Variants in TUBGCP3 observed in about 807,000 individuals in gnomAD.
TUBGCP3 encodes the protein tubulin gamma complex component 3, also known as gamma-tubulin complex component 3.
Under a neutral mutation model 123.1 loss-of-function variants are expected in TUBGCP3, and 50 were observed. That is an observed-to-expected ratio of 0.41 (90% CI 0.32 to 0.51). The LOEUF is 0.51. Ranked by LOEUF, TUBGCP3 falls within the 20% of genes least tolerant of loss-of-function variation. TUBGCP3 has a pLI of 0.36. For synonymous variants in TUBGCP3, 405 were observed against 413.9 expected (o/e 0.98, Z 0.26); for missense variants, 882 against 1,127.0 (o/e 0.78, Z 3.11).
intron 19 of TUBGCP3, among the ~76,000 whole-genome samples, chr13:112,503,050 G>A (rs1235632600): frequency 1.3e-5 from 2 of 152,074 alleles, no homozygotes; most frequent in African/African-American, 4.8e-5. Context: ...TGAAGTAAAG[G>A]CCCTGAAGTG....
At position 112,497,393 on chromosome 13, in the gene TUBGCP3, C is replaced by T. The variant is rs573390914; in HGVS notation, c.2448+1652G>A. On this transcript the variant is annotated intron_variant, in intron 20 of 21. Coordinates refer to ENST00000261965, the MANE Select transcript of TUBGCP3 (RefSeq NM_006322.6). ...CGCTTTGAATGATGAGAGCCCTTAG[C>T]GATACAAATGTTTCCAAAAAATACC... Among the ~76,000 whole-genome samples the T allele has an allele frequency of 2.5e-3, 381 of 152,286 alleles. 2 individuals carry two copies. Among genetic ancestry groups the T allele is most frequent in the African/African-American group, 8.4e-3 (349 of 41,564 alleles).
chr13:112,553,927 A>C, intron 8 of TUBGCP3, 130 bp downstream of exon 8: 1 of 1,423,398 alleles, frequency 7.0e-7, no homozygotes, highest in Non-Finnish European at 9.5e-7. Flanking sequence ...GTGGACCCTG[A>C]AAGTTGACTC....
intron 1 of TUBGCP3, among the ~76,000 whole-genome samples, chr13:112,570,267 C>G (rs1194835164): frequency 1.3e-5 from 2 of 152,126 alleles, no homozygotes; most frequent in African/African-American, 4.8e-5. Context: ...AACTGATCAG[C>G]CCAAGAGAAA....
chr13:112,552,067 C>T (rs1156391667), intron 8 of TUBGCP3, among the ~76,000 whole-genome samples: 1 of 152,202 alleles, frequency 6.6e-6, no homozygotes, highest in Non-Finnish European at 1.5e-5. Flanking sequence ...CATGCCTGCT[C>T]GCCCTCCACT....
At chr13:112,498,024 A>G (rs1431073479) in intron 20 of TUBGCP3, among the ~76,000 whole-genome samples, 1 of 152,222 alleles carries the variant, frequency 6.6e-6, no homozygotes, top group Non-Finnish European at 1.5e-5. Flanking sequence ...TCATGTACAT[A>G]TACATGTACA....
intron 16 of TUBGCP3, 89 bp from the exon 17 acceptor site, chr13:112,516,664 T>G: frequency 7.1e-7 from 1 of 1,414,434 alleles, no homozygotes; most frequent in East Asian, 2.5e-5. Flanking sequence ...AAAGGTACAT[T>G]TTAGCAAACT....
At chr13:112,529,513 T>C (rs1252380653) in intron 11 of TUBGCP3, among the ~76,000 whole-genome samples, 6 of 152,216 alleles carry the variant, frequency 3.9e-5, no homozygotes, top group South Asian at 4.1e-4. Context: ...ATCACAGTTA[T>C]GCTCTTCCTG....
the TUBGCP3 span, among the ~76,000 whole-genome samples, chr13:112,601,695 C>T: frequency 1.3e-5 from 2 of 152,294 alleles, no homozygotes; most frequent in African/African-American, 2.4e-5. Flanking sequence ...AGGTGAGCTC[C>T]GTGTCCCCCC....
intron 11 of TUBGCP3, among the ~76,000 whole-genome samples, chr13:112,543,508 C>G (rs1017022963): frequency 6.6e-6 from 1 of 152,032 alleles, no homozygotes; most frequent in Non-Finnish European, 1.5e-5. Flanking sequence ...TATAAATGTG[C>G]AAAAACAGAG....
At chr13:112,585,534 G>C (rs1882546301) in intron 1 of TUBGCP3, among the ~76,000 whole-genome samples, 2 of 151,934 alleles carry the variant, frequency 1.3e-5, no homozygotes, top group Admixed American at 6.6e-5. Flanking sequence ...CCAAGCGGCA[G>C]GGGGGTGGGG....
At chr13:112,499,785 C>A (rs1348844604) in intron 19 of TUBGCP3, among the ~76,000 whole-genome samples, 1 of 152,180 alleles carries the variant, frequency 6.6e-6, no homozygotes, top group Non-Finnish European at 1.5e-5. Context: ...CAGGTATCTT[C>A]CGTTCATTGC....
chr13:112,512,548 A>G (rs1881743258), intron 17 of TUBGCP3, among the ~76,000 whole-genome samples: 1 of 152,172 alleles, frequency 6.6e-6, no homozygotes, highest in Non-Finnish European at 1.5e-5. Flanking sequence ...AGCCTGGCCA[A>G]CATGGTGAAA....
At chr13:112,552,878 C>T (rs2139203469) in intron 8 of TUBGCP3, among the ~76,000 whole-genome samples, 1 of 150,624 alleles carries the variant, frequency 6.6e-6, no homozygotes, top group East Asian at 2.0e-4. Flanking sequence ...CAGCCACGCT[C>T]TTCCCCATCA....
intron 14 of TUBGCP3, 141 bp from the exon 15 acceptor site, chr13:112,520,162 A>G (rs576971669): frequency 1.4e-6 from 1 of 703,298 alleles, no homozygotes; most frequent in Admixed American, 3.2e-5. Flanking sequence ...ATGCGGCAAC[A>G]AAAGCTTCAG....
intron 3 of TUBGCP3, among the ~76,000 whole-genome samples, 157 bp downstream of exon 3, chr13:112,564,954 A>G (rs1014377057): frequency 1.3e-5 from 2 of 152,218 alleles, no homozygotes; most frequent in Non-Finnish European, 2.9e-5. Flanking sequence ...CTAATACTGA[A>G]GCTCACACAA....
intron 19 of TUBGCP3, among the ~76,000 whole-genome samples, chr13:112,500,866 G>A (rs558032411): frequency 3.3e-5 from 5 of 152,146 alleles, no homozygotes; most frequent in Non-Finnish European, 5.9e-5. Flanking sequence ...GCGATGCTTC[G>A]GTTCAAAATT....
At position 112,554,946 on chromosome 13, in the gene TUBGCP3, T is replaced by C. The variant is rs1566574446; in HGVS notation, c.781A>G (p.Ile261Val). Residue 261 changes from isoleucine to valine, a missense_variant, in exon 7 of 22, where the codon ATA becomes GTA. Physicochemically the swap from Ile to Val is conservative, Grantham distance 29. This residue lies in a region of TUBGCP3 where 713 missense variants were observed against 874.0 expected (regional missense o/e 0.82). Transcript: ENST00000261965. ...TTCATTTTGATGTTTTTGCCATCTA[T>C]GCCCTGAAAGACGTACAAAATGTCC... ...VRDILYVFQG[I>V]DGKNIKMNNT... 1.2e-6 allele frequency: 2 copies of C among 1,613,504 alleles called. No individual in the cohort carries two copies. Among genetic ancestry groups the C allele is most frequent in the East Asian group, 2.2e-5 (1 of 44,876 alleles).
chr13:112,577,392 A>G (rs547618553), intron 1 of TUBGCP3, among the ~76,000 whole-genome samples: 1 of 152,350 alleles, frequency 6.6e-6, no homozygotes, highest in African/African-American at 2.4e-5. Context: ...ATGTAGCCCC[A>G]GTCTAGTCAT....
chr13:112,516,419 G>T, intron 17 of TUBGCP3, 21 bp downstream of exon 17: 4 of 1,577,806 alleles, frequency 2.5e-6, no homozygotes, highest in Non-Finnish European at 3.4e-6. Context: ...GTGCGGACCC[G>T]TGACCGTGCT....
Sources: gnomAD v4.1 joint callset for allele counts (sites outside exome capture counted in the v4.1 genomes callset) on GRCh38, gnomAD v4.1.1 for gene constraint, gnomAD v4.1.1 regional missense constraint, MANE v1.5 for transcripts, NCBI Gene and HGNC (gene_info 2026-07-23, HGNC 2026-07-21) for gene names.